Variants in DAAM2 observed in about 807,000 individuals in gnomAD.
The protein encoded by DAAM2 is disheveled-associated activator of morphogenesis 2.
Under a neutral mutation model 120.7 loss-of-function variants are expected in DAAM2, and 39 were observed. The ratio of observed to expected loss-of-function variants is 0.32; its 90% CI spans 0.25 to 0.42. DAAM2 has a LOEUF of 0.42. DAAM2 is among the 10% of genes least tolerant of loss of function. The pLI is 1.00. For synonymous variants in DAAM2, 488 were observed against 524.9 expected, an observed-to-expected ratio of 0.93 and a Z score of 0.96; for missense variants, 1,283 against 1,401.7, an observed-to-expected ratio of 0.92 and a Z score of 1.35.
chr6:39,893,521 A>G (rs1382943779), intron 19 of DAAM2, among the ~76,000 whole-genome samples: 1 of 152,116 alleles, frequency 6.6e-6, no homozygotes, highest in Non-Finnish European at 1.5e-5. Flanking sequence ...CCATCTCAAA[A>G]AAGAAAAAAA....
intron 1 of DAAM2, among the ~76,000 whole-genome samples, chr6:39,812,965 T>C (rs995957834): frequency 1.3e-5 from 2 of 151,944 alleles, no homozygotes; most frequent in Non-Finnish European, 1.5e-5. Flanking sequence ...CGTAGTCCAG[T>C]CCAGGAAAAT....
intron 1 of DAAM2, chr6:39,818,983 A>G (rs1398874794): frequency 6.6e-6 from 1 of 152,114 alleles, no homozygotes; most frequent in Non-Finnish European, 1.5e-5. Context: ...TTTTTCAGTG[A>G]TGCCAGTGCC....
At chr6:39,827,617 A>G (rs1206019842) in intron 1 of DAAM2, among the ~76,000 whole-genome samples, 4 of 152,144 alleles carry the variant, frequency 2.6e-5, no homozygotes, top group Non-Finnish European at 5.9e-5. Context: ...GGCTTCAGAA[A>G]CAGTGGCTGG....
chr6:39,871,557 C>T lies in DAAM2; in HGVS notation c.1029C>T (p.Ala343=). The part of the protein sequence containing the change: ...MVRNEDDLEL[A]RRFDMVHIDT... ...GGAATGAGGATGACCTGGAGCTAGC[C>T]AGGAGGTTTGACATGGTGAGGAGCC... The change falls in exon 9 of 25, where the codon GCC becomes GCT. Residue 343 remains alanine, a synonymous_variant. Transcript: ENST00000274867. 1 of 1,550,696 alleles carries T rather than the reference C, an allele frequency of 6.4e-7. No individual in the cohort carries two copies. The highest frequency in any genetic ancestry group is 8.7e-7 in the Non-Finnish European group (1 of 1,146,990).
chr6:39,881,825 T>C (rs1438771453), intron 14 of DAAM2: 1 of 152,118 alleles, frequency 6.6e-6, no homozygotes, highest in African/African-American at 2.4e-5. Context: ...TAGATTATTA[T>C]TAGTGGCCCT....
chr6:39,892,291 C>T (rs1765775872), intron 19 of DAAM2, among the ~76,000 whole-genome samples: 1 of 152,204 alleles, frequency 6.6e-6, no homozygotes. Flanking sequence ...TTGGTTGGTC[C>T]TCATTTGGTC....
chr6:39,868,979 C>T, intron 7 of DAAM2, 46 bp downstream of exon 7: 1 of 1,365,412 alleles, frequency 7.3e-7, no homozygotes, highest in Non-Finnish European at 1.0e-6. Flanking sequence ...ACTTTCTGGA[C>T]CTGGGGTAGA....
chr6:39,859,714 A>G (rs2504101), intron 2 of DAAM2, among the ~76,000 whole-genome samples: 103,735 of 152,170 alleles, frequency 0.68, 36,431 homozygotes, highest in African/African-American at 0.86. Context: ...GGTTTAAAAT[A>G]TACTATGAAA....
intron 1 of DAAM2, among the ~76,000 whole-genome samples, chr6:39,839,223 A>C (rs1763228390): frequency 6.6e-6 from 1 of 152,186 alleles, no homozygotes; most frequent in Non-Finnish European, 1.5e-5. Flanking sequence ...GTTTGTAAAA[A>C]TTCTGGCGAA....
chr6:39,902,133 G>C lies in DAAM2; in HGVS notation c.*96G>C, dbSNP rs528170112. 6 of 1,127,854 alleles carry C rather than the reference G, an allele frequency of 5.3e-6. No homozygotes were observed. The highest frequency in any genetic ancestry group is 7.4e-6 in the Non-Finnish European group (6 of 805,830). The allele number at this position is 1,127,854 out of a possible 1,614,324, so 69.9% of individuals were successfully genotyped here. A position where few individuals can be genotyped will look rare whatever the true frequency, so the allele number is the denominator to read the frequency against. On this transcript the variant is annotated 3_prime_UTR_variant, in exon 25 of 25. Transcript: ENST00000274867. ...GTGATATTTAAACCATTTGGTGCTT[G>C]GTTTAGAGCCTTGGGCTGGGTCCTG...
chr6:39,849,040 G>T (rs561283703), intron 1 of DAAM2: 22 of 152,326 alleles, frequency 1.4e-4, no homozygotes, highest in African/African-American at 4.8e-4. Flanking sequence ...GAGCCAGTAC[G>T]ATATATTAAG....
chr6:39,879,559 C>T (rs1365640100), intron 14 of DAAM2, 82 bp downstream of exon 14: 1 of 1,562,828 alleles, frequency 6.4e-7, no homozygotes, highest in East Asian at 2.2e-5. Context: ...CCCTTGTTTA[C>T]AGATCTCCAC....
At chr6:39,887,785 C>T (rs1765466582) in intron 16 of DAAM2, 193 bp downstream of exon 16, 2 of 538,928 alleles carry the variant, frequency 3.7e-6, no homozygotes, top group Non-Finnish European at 6.7e-6. Flanking sequence ...TGCCCAGTCA[C>T]GAGGCCCTTG....
chr6:39,867,225 C>T, intron 5 of DAAM2: 1 of 412,890 alleles, frequency 2.4e-6, no homozygotes, highest in Non-Finnish European at 4.5e-6. Context: ...GGTTTAACAG[C>T]TCTGATAATT....
Position 39,902,126 on chromosome 6 carries a change from G to T in DAAM2, c.*89G>T. Reference sequence around the variant, plus strand: ...GGAGGTGGTGATATTTAAACCATTTGGTGCTTGGTTTAGAGCCTTGGGCTG... The same window carrying T: ...GGAGGTGGTGATATTTAAACCATTTTGTGCTTGGTTTAGAGCCTTGGGCTG... On this transcript the variant is annotated 3_prime_UTR_variant, in exon 25 of 25. Coordinates refer to ENST00000274867, the MANE Select transcript of DAAM2 (RefSeq NM_001201427.2). 1 of 1,215,254 alleles carries T rather than the reference G, an allele frequency of 8.2e-7. No individual in the cohort carries two copies. The allele number at this position is 1,215,254 out of a possible 1,614,324, so 75.3% of individuals were successfully genotyped here. A position where few individuals can be genotyped will look rare whatever the true frequency, so the allele number is the denominator to read the frequency against.
chr6:39,799,859 T>G (rs530789612), intron 1 of DAAM2, among the ~76,000 whole-genome samples: 11 of 152,360 alleles, frequency 7.2e-5, no homozygotes, highest in African/African-American at 2.4e-4. Flanking sequence ...CCTAGTAATA[T>G]ATCCTGCTGT....
intron 1 of DAAM2, among the ~76,000 whole-genome samples, chr6:39,801,376 G>A (rs892702992): frequency 2.0e-5 from 3 of 152,128 alleles, no homozygotes; most frequent in Non-Finnish European, 4.4e-5. Flanking sequence ...CTAATCTGAG[G>A]GGTGTGGATG....
At chr6:39,880,198 A>G (rs1005908051) in intron 14 of DAAM2, among the ~76,000 whole-genome samples, 6 of 152,228 alleles carry the variant, frequency 3.9e-5, no homozygotes, top group African/African-American at 1.4e-4. Context: ...AAAGACCTGC[A>G]TGGTAACTGG....
rs566604151 is a variant in DAAM2 at position 39,902,441 on chromosome 6, AGGGAGCCCCTGAGAGG to A, written c.*406_*421del. 36 of 161,832 alleles carry A rather than the reference AGGGAGCCCCTGAGAGG, an allele frequency of 2.2e-4. 1 individual carries two copies. The East Asian group carries it at 5.0e-3, about 23-fold the overall frequency. The allele number at this position is 161,832 out of a possible 1,614,324, so 10.0% of individuals were successfully genotyped here. On this transcript the variant is annotated 3_prime_UTR_variant, in exon 25 of 25. Transcript: ENST00000274867. ...TGTGTAGCACGGGGAGCAATGATGG[AGGGAGCCCCTGAGAGG>A]GAATCTGGTGAGGGAATCCAGACTC...
Sources: allele counts gnomAD v4.1 joint callset (sites outside exome capture counted in the v4.1 genomes callset), GRCh38; gene constraint gnomAD v4.1.1; transcripts MANE v1.5; gene names NCBI Gene and HGNC (gene_info 2026-07-23, HGNC 2026-07-21).